The following DIAPH2 variants were observed in gnomAD, a reference collection of about 807,000 sequenced individuals.
DIAPH2 encodes diaphanous related formin 2, also known as protein diaphanous homolog 2.
DIAPH2 carries 35 observed loss-of-function variants against 92.7 expected under a neutral mutation model. The ratio of observed to expected loss-of-function variants is 0.38; its 90% CI spans 0.29 to 0.50. DIAPH2 has a LOEUF of 0.50. Among genes scored for constraint, DIAPH2 ranks in the 20% least tolerant of loss-of-function variants. The pLI, the probability that DIAPH2 is intolerant of heterozygous loss-of-function variation, is 0.94. For missense variants in DIAPH2, 701 were observed against 819.5 expected (o/e 0.86, Z 1.77); for synonymous variants, 301 against 280.4 (o/e 1.07, Z -0.73).
rs185346255 is a variant in DIAPH2 at position 96,980,272 on chromosome X, C to T, written c.2050+15065C>T. Among the ~76,000 whole-genome samples, 14 of 111,056 alleles carry T rather than the reference C, an allele frequency of 1.3e-4. No homozygotes were observed. The East Asian group carries it at 2.0e-3, about 16-fold the overall frequency. On this transcript the variant is annotated intron_variant, in intron 17 of 26. Transcript: ENST00000324765. ...ATTGCCAATGGAAGTGGCTCTTAGC[C>T]GGAAGGAAAGCTGGGAAAGGGATGG... is the stretch of plus-strand genomic sequence containing the variant.
intron 25 of DIAPH2, among the ~76,000 whole-genome samples, chrX:97,420,798 T>G (rs2070000713): frequency 8.9e-6 from 1 of 111,956 alleles, no homozygotes; most frequent in Non-Finnish European, 1.9e-5. Context: ...TCTTCTAAGC[T>G]CCTGTGTCCT....
At chrX:96,812,645 C>G (rs777164548) in intron 4 of DIAPH2, among the ~76,000 whole-genome samples, 1 of 111,934 alleles carries the variant, frequency 8.9e-6, no homozygotes, top group South Asian at 3.8e-4. Flanking sequence ...CCTGCTTTCT[C>G]TTGTGGGCAT....
chrX:97,097,483 C>T (rs953423125), intron 19 of DIAPH2, among the ~76,000 whole-genome samples: 1 of 111,807 alleles, frequency 8.9e-6, no homozygotes, highest in Non-Finnish European at 1.9e-5. Context: ...AGATATGTCA[C>T]CTCCCACTGT....
In DIAPH2 at chrX:96,758,514, G is replaced by C. The variant is rs139044082; in HGVS notation, c.447+256G>C. Among the ~76,000 whole-genome samples the C allele has an allele frequency of 4.6e-3, 515 of 111,693 alleles. 5 individuals carry two copies. Among genetic ancestry groups the C allele is most frequent in the African/African-American group, 0.016 (487 of 30,861 alleles). ...CTCTGAGGTAATCCAGTCCAGTCCT[G>C]AGCTTTTGTGTACATACTAAAAATC... On this transcript the variant is annotated intron_variant, in intron 4 of 26. Transcript: ENST00000324765.
chrX:97,545,533 A>AAAATATAT lies in DIAPH2; in HGVS notation c.3242-53719_3242-53718insAATATATA, dbSNP rs1260118151. 5.2e-4 allele frequency among the ~76,000 whole-genome samples: 41 copies of AAAATATAT among 79,352 alleles called. 1 individual carries two copies. The highest frequency in any genetic ancestry group is 2.0e-3 in the African/African-American group (40 of 20,164). 68.9% of individuals were successfully genotyped at this position (79,352 alleles called of 115,157 possible). A position where few individuals can be genotyped will look rare whatever the true frequency, so the allele number is the denominator to read the frequency against. On this transcript the variant is annotated intron_variant, in intron 26 of 26. Transcript: ENST00000324765. ...TTTTTAAGTTTGATGAAAAAAAAAA[A>AAAATATAT]ATATATATATATATATATATATATA... is the stretch of plus-strand genomic sequence containing the variant.
At chrX:96,987,185 A>T (rs2066038071) in intron 17 of DIAPH2, among the ~76,000 whole-genome samples, 1 of 111,507 alleles carries the variant, frequency 9.0e-6, no homozygotes, top group Admixed American at 9.5e-5. Context: ...TCTTATATCA[A>T]TTGATGTTTG....
At chrX:97,199,154 ATAGT>A (rs1348747671) in intron 22 of DIAPH2, among the ~76,000 whole-genome samples, 1 of 110,342 alleles carries the variant, frequency 9.1e-6, no homozygotes. Flanking sequence ...TCCCCTTATA[ATAGT>A]TAGCCACCCT....
chrX:97,515,361 G>A (rs2070936818), intron 26 of DIAPH2, among the ~76,000 whole-genome samples: 1 of 112,697 alleles, frequency 8.9e-6, no homozygotes, highest in African/African-American at 3.2e-5. Flanking sequence ...GCCTCGCCCT[G>A]CTTCGGCTTG....
At chrX:97,046,639 A>G (rs1569287808) in intron 17 of DIAPH2, among the ~76,000 whole-genome samples, 1 of 112,048 alleles carries the variant, frequency 8.9e-6, no homozygotes, top group Non-Finnish European at 1.9e-5. Context: ...CAATTATGCT[A>G]TTTTCTAAGA....
At chrX:97,173,672 A>G (rs1342549911) in intron 22 of DIAPH2, among the ~76,000 whole-genome samples, 1 of 111,378 alleles carries the variant, frequency 9.0e-6, no homozygotes, top group Non-Finnish European at 1.9e-5. Context: ...CTGGGAGGCC[A>G]AGGTAGGCAA....
intron 26 of DIAPH2, among the ~76,000 whole-genome samples, chrX:97,521,126 C>A (rs1427995115): frequency 1.8e-5 from 2 of 111,052 alleles, no homozygotes; most frequent in Non-Finnish European, 3.8e-5. Flanking sequence ...GCTTGTTTGC[C>A]CCTTCCACCA....
In DIAPH2 at chrX:97,479,849, A is replaced by G. The variant is rs182782273; in HGVS notation, c.3241+50104A>G. ...GAAGTAGATTTTGAAGACAGCTCTA[A>G]TATGTACTAAACTCGATTAGAAATT... On this transcript the variant is annotated intron_variant, in intron 26 of 26. Coordinates refer to ENST00000324765, the MANE Select transcript of DIAPH2 (RefSeq NM_006729.5). 9.4e-4 allele frequency among the ~76,000 whole-genome samples: 105 copies of G among 111,400 alleles called. 2 individuals are homozygous for G. Among genetic ancestry groups the G allele is most frequent in the Admixed American group, 3.5e-3 (36 of 10,415 alleles).
intron 21 of DIAPH2, among the ~76,000 whole-genome samples, chrX:97,120,675 T>C (rs1334485154): frequency 3.0e-5 from 3 of 100,455 alleles, no homozygotes; most frequent in African/African-American, 7.4e-5. Flanking sequence ...ATATACTATA[T>C]ATAGCCCAAG....
chrX:97,574,036 C>G (rs915882038), intron 26 of DIAPH2, among the ~76,000 whole-genome samples: 2 of 111,916 alleles, frequency 1.8e-5, no homozygotes, highest in Non-Finnish European at 3.8e-5. Context: ...TTCATTTCTC[C>G]TGTGTCACTA....
At chrX:97,167,542 C>T (rs976889757) in intron 22 of DIAPH2, among the ~76,000 whole-genome samples, 45 of 111,412 alleles carry the variant, frequency 4.0e-4, no homozygotes, top group Admixed American at 3.8e-4. Context: ...CATGGACCTG[C>T]TGAAGGGACC....
At chrX:97,342,948 C>T (rs2069124611) in intron 23 of DIAPH2, among the ~76,000 whole-genome samples, 1 of 110,967 alleles carries the variant, frequency 9.0e-6, no homozygotes, top group Non-Finnish European at 1.9e-5. Flanking sequence ...TGTCTGTGAC[C>T]TTGGTATGTT....
intron 10 of DIAPH2, among the ~76,000 whole-genome samples, chrX:96,936,987 C>G (rs138544001): frequency 9.0e-6 from 1 of 110,935 alleles, no homozygotes. Flanking sequence ...TAGAACTGAT[C>G]GTTAATTTTT....
chrX:97,573,827 CT>C (rs1187081824), intron 26 of DIAPH2, among the ~76,000 whole-genome samples: 5 of 109,482 alleles, frequency 4.6e-5, no homozygotes, highest in Non-Finnish European at 9.5e-5. Context: ...CACCCTGCTA[CT>C]TTCTGTATTT....
At chrX:97,137,527 CA>C (rs1227314698) in intron 21 of DIAPH2, among the ~76,000 whole-genome samples, 2 of 107,880 alleles carry the variant, frequency 1.9e-5, no homozygotes, top group African/African-American at 6.8e-5. Flanking sequence ...TGAAGATGGC[CA>C]AAAAAAGTTA....
Sources: gnomAD v4.1 joint callset for allele counts (sites outside exome capture counted in the v4.1 genomes callset) on GRCh38, gnomAD v4.1.1 for gene constraint, MANE v1.5 for transcripts, NCBI Gene and HGNC (gene_info 2026-07-23, HGNC 2026-07-21) for gene names.